Variants in EPHA5 observed in about 807,000 individuals in gnomAD.
The protein encoded by EPHA5 is EPH receptor A5, also known as ephrin type-A receptor 5.
EPHA5 carries 60 observed loss-of-function variants against 105.0 expected under a neutral mutation model. The observed-to-expected ratio is 0.57, with a 90% CI of 0.46 to 0.71. EPHA5 has a LOEUF of 0.71. EPHA5 is among the 30% of genes least tolerant of loss of function. The pLI, the probability that EPHA5 is intolerant of heterozygous loss-of-function variation, is 0.00. For synonymous variants in EPHA5, 513 were observed against 449.1 expected, an observed-to-expected ratio of 1.14 and a Z score of -1.80; for missense variants, 1,218 against 1,274.7, an observed-to-expected ratio of 0.96 and a Z score of 0.68.
At chr4:65,354,990 A>T (rs556658438) in intron 11 of EPHA5, among the ~76,000 whole-genome samples, 1 of 151,924 alleles carries the variant, frequency 6.6e-6, no homozygotes, top group Admixed American at 6.6e-5. Context: ...GTTTGTCTAA[A>T]ATACTTTATT....
intron 3 of EPHA5, 83 bp from the exon 4 acceptor site, chr4:65,495,626 G>A (rs1029262954): frequency 2.6e-6 from 3 of 1,173,254 alleles, no homozygotes; most frequent in Non-Finnish European, 3.6e-6. Context: ...ATTTTGACTT[G>A]TATATGCAGA....
At chr4:65,492,344 G>T (rs1731489029) in intron 4 of EPHA5, among the ~76,000 whole-genome samples, 1 of 151,810 alleles carries the variant, frequency 6.6e-6, no homozygotes, top group African/African-American at 2.4e-5. Context: ...TGGAATTACA[G>T]GGGCCCACCA....
chr4:65,415,300 C>G (rs1723285408), intron 6 of EPHA5, among the ~76,000 whole-genome samples: 1 of 151,982 alleles, frequency 6.6e-6, no homozygotes, highest in South Asian at 2.1e-4. Flanking sequence ...TAGAGACTTG[C>G]TTGGGTTTCC....
At chr4:65,604,825 G>A (rs28535294) in intron 2 of EPHA5, among the ~76,000 whole-genome samples, 46,467 of 151,796 alleles carry the variant, frequency 0.31, 7,254 homozygotes, top group Non-Finnish European at 0.33. Context: ...CAAATGTCAT[G>A]TACAGGATAT....
In EPHA5 at chr4:65,365,689, A is replaced by ATATATATATATATATATATATATT. The variant is rs765636669; in HGVS notation, c.1987+242_1987+243insAATATATATATATATATATATATA. Among the ~76,000 whole-genome samples, 40 of 93,816 alleles carry ATATATATATATATATATATATATT rather than the reference A, an allele frequency of 4.3e-4. 5 individuals carry two copies. The highest frequency in any genetic ancestry group is 1.1e-3 in the East Asian group (3 of 2,668). The allele number at this position is 93,816 out of a possible 152,430, so 61.5% of individuals were successfully genotyped here. ...TATATATATATATATATATATATAT[A>ATATATATATATATATATATATATT]GTGAAACATTATCTATTTAAAATAT... On this transcript the variant is annotated intron_variant, in intron 10 of 16. Transcript: ENST00000613740.
At chr4:65,578,389 G>A (rs889288068) in intron 3 of EPHA5, among the ~76,000 whole-genome samples, 14 of 152,146 alleles carry the variant, frequency 9.2e-5, no homozygotes, top group African/African-American at 3.1e-4. Flanking sequence ...GACACTGTGG[G>A]TGGAGGAAAA....
intron 3 of EPHA5, among the ~76,000 whole-genome samples, chr4:65,544,962 A>T (rs1461781262): frequency 6.6e-6 from 1 of 151,018 alleles, no homozygotes; most frequent in African/African-American, 2.4e-5. Flanking sequence ...AAGCCATTCC[A>T]ATTTTTTTTT....
chr4:65,450,856 C>T (rs1163140268), intron 5 of EPHA5, among the ~76,000 whole-genome samples: 1 of 152,132 alleles, frequency 6.6e-6, no homozygotes, highest in Non-Finnish European at 1.5e-5. Flanking sequence ...TTCATCAGTA[C>T]AAATCCTAAA....
chr4:65,331,432 A>G (rs1720605561), intron 16 of EPHA5: 1 of 1,046,154 alleles, frequency 9.6e-7, no homozygotes, highest in Admixed American at 5.6e-5. Context: ...CCAAATAACA[A>G]ATCAGAGGCG....
chr4:65,403,609 GTTTAT>G (rs1722067650), intron 8 of EPHA5, among the ~76,000 whole-genome samples: 2 of 151,728 alleles, frequency 1.3e-5, no homozygotes, highest in African/African-American at 4.8e-5. Flanking sequence ...GTTTTATTTA[GTTTAT>G]TTTGTTTTAT....
chr4:65,396,021 G>T (rs553871655), intron 8 of EPHA5, among the ~76,000 whole-genome samples: 1 of 152,274 alleles, frequency 6.6e-6, no homozygotes, highest in Admixed American at 6.5e-5. Flanking sequence ...AGGCACAGCT[G>T]CAGCCACCCA....
intron 2 of EPHA5, among the ~76,000 whole-genome samples, chr4:65,626,653 T>C (rs1746185810): frequency 6.6e-6 from 1 of 152,194 alleles, no homozygotes; most frequent in Admixed American, 6.5e-5. Flanking sequence ...TTATGGCCAT[T>C]ACGTATAGTT....
At chr4:65,590,403 T>C (rs567024186) in intron 3 of EPHA5, among the ~76,000 whole-genome samples, 9 of 152,250 alleles carry the variant, frequency 5.9e-5, no homozygotes, top group Admixed American at 3.9e-4. Context: ...TAATAAAGGA[T>C]ATAAAAGCAT....
intron 15 of EPHA5, among the ~76,000 whole-genome samples, chr4:65,335,075 A>T (rs1273072219): frequency 3.3e-5 from 5 of 152,022 alleles, no homozygotes; most frequent in African/African-American, 9.7e-5. Context: ...TGTCAGAATC[A>T]TAGAACTTTC....
intron 5 of EPHA5, among the ~76,000 whole-genome samples, chr4:65,440,985 C>T (rs543267858): frequency 5.9e-5 from 9 of 152,118 alleles, no homozygotes; most frequent in African/African-American, 2.2e-4. Context: ...ATGTTTCCAC[C>T]AGATGTCATT....
chr4:65,511,057 G>T (rs1439657440), intron 3 of EPHA5, among the ~76,000 whole-genome samples: 1 of 152,140 alleles, frequency 6.6e-6, no homozygotes, highest in Non-Finnish European at 1.5e-5. Context: ...GAAAGCAGCT[G>T]CCTGCAAGCC....
At chr4:65,348,033 A>G in intron 14 of EPHA5, 21 bp downstream of exon 14, 2 of 1,552,484 alleles carry the variant, frequency 1.3e-6, no homozygotes, top group Non-Finnish European at 1.7e-6. Flanking sequence ...TCAAGTTGGG[A>G]AAGAGTAGTT....
intron 3 of EPHA5, among the ~76,000 whole-genome samples, chr4:65,586,146 G>A (rs1012964060): frequency 6.6e-6 from 1 of 151,538 alleles, no homozygotes; most frequent in Non-Finnish European, 1.5e-5. Context: ...GTATCAATAA[G>A]TATTAACTTG....
intron 8 of EPHA5, among the ~76,000 whole-genome samples, chr4:65,390,237 C>T (rs1053816040): frequency 6.6e-6 from 1 of 151,922 alleles, no homozygotes; most frequent in African/African-American, 2.4e-5. Context: ...CCTTTTTTAA[C>T]CTCCCATTAA....
Sources: gnomAD v4.1 joint callset for allele counts (sites outside exome capture counted in the v4.1 genomes callset) on GRCh38, gnomAD v4.1.1 for gene constraint, MANE v1.5 for transcripts, NCBI Gene and HGNC (gene_info 2026-07-23, HGNC 2026-07-21) for gene names.